Variants in PAN3 observed in about 807,000 individuals in gnomAD.
PAN3 encodes the protein poly(A) specific ribonuclease subunit PAN3, also known as PAN2-PAN3 deadenylation complex subunit PAN3.
Under a neutral mutation model 96.2 loss-of-function variants are expected in PAN3, and 19 were observed. The observed-to-expected ratio is 0.20, with a 90% confidence interval of 0.14 to 0.29. The LOEUF is 0.29. Ranked by LOEUF, PAN3 falls within the 10% of genes least tolerant of loss-of-function variation. PAN3 has a pLI of 1.00. For synonymous variants in PAN3, 433 were observed against 406.6 expected, an observed-to-expected ratio of 1.06 and a Z score of -0.78; for missense variants, 882 against 1,108.1, an observed-to-expected ratio of 0.80 and a Z score of 2.90.
At chr13:28,154,969 C>A (rs1183467636) in intron 1 of PAN3, among the ~76,000 whole-genome samples, 2 of 151,744 alleles carry the variant, frequency 1.3e-5, no homozygotes, top group East Asian at 3.9e-4. Context: ...TACAGTCGCC[C>A]ACCACCATGC....
intron 6 of PAN3, among the ~76,000 whole-genome samples, chr13:28,243,101 C>G (rs1458434488): frequency 6.6e-6 from 1 of 151,988 alleles, no homozygotes; most frequent in Non-Finnish European, 1.5e-5. Context: ...TTATTTCTTC[C>G]CTTCCAGTTT....
chr13:28,138,299 C>T (rs1869038182), upstream of PAN3: 1 of 158,704 alleles, frequency 6.3e-6, no homozygotes, highest in African/African-American at 2.4e-5. Flanking sequence ...TAAACCGGCC[C>T]CTCCGCCTTC....
At chr13:28,288,828 A>ATT (rs756889416) in intron 18 of PAN3, among the ~76,000 whole-genome samples, 1,420 of 123,720 alleles carry the variant, frequency 0.011, 56 homozygotes, top group African/African-American at 0.036. Flanking sequence ...TTAACTATAG[A>ATT]TTTTTTTTTT....
chr13:28,242,187 C>A (rs1400914737), intron 6 of PAN3, among the ~76,000 whole-genome samples: 1 of 152,138 alleles, frequency 6.6e-6, no homozygotes, highest in Non-Finnish European at 1.5e-5. Context: ...ATAGTATTGA[C>A]TGACATATGT....
At chr13:28,154,982 G>A (rs1413307172) in intron 1 of PAN3, among the ~76,000 whole-genome samples, 16 of 150,814 alleles carry the variant, frequency 1.1e-4, no homozygotes, top group African/African-American at 2.9e-4. Flanking sequence ...CACCATGCCC[G>A]GCTAATTTTT....
intron 16 of PAN3, 134 bp from the exon 17 acceptor site, chr13:28,281,181 A>T (rs1300610455): frequency 1.5e-6 from 1 of 683,042 alleles, no homozygotes; most frequent in Non-Finnish European, 2.5e-6. Flanking sequence ...TAAAAGTATA[A>T]CCAAAAGGTG....
chr13:28,152,628 T>C lies in PAN3; in HGVS notation c.430+13541T>C, dbSNP rs112810076. Among the ~76,000 whole-genome samples the C allele has an allele frequency of 2.0e-3, 303 of 152,232 alleles. 1 individual carries two copies. Among genetic ancestry groups the C allele is most frequent in the African/African-American group, 7.1e-3 (293 of 41,544 alleles). ...AAAAAAATGTGTATCTTATTACAGT[T>C]GAGTCCTTTTGTGAGACGAACATTC... On this transcript the variant is annotated intron_variant, in intron 1 of 18. Transcript: ENST00000380958.
intron 4 of PAN3, among the ~76,000 whole-genome samples, chr13:28,181,843 A>T (rs1215019336): frequency 6.6e-6 from 1 of 152,206 alleles, no homozygotes; most frequent in Non-Finnish European, 1.5e-5. Flanking sequence ...TTTTTTAAAA[A>T]GTGATCTTTT....
intron 5 of PAN3, among the ~76,000 whole-genome samples, chr13:28,217,030 C>T (rs1325695040): frequency 6.6e-6 from 1 of 151,714 alleles, no homozygotes; most frequent in Non-Finnish European, 1.5e-5. Flanking sequence ...AGGAGAATCA[C>T]TTGAACCCGG....
chr13:28,199,432 G>A (rs1196226567), intron 5 of PAN3, among the ~76,000 whole-genome samples: 2 of 152,074 alleles, frequency 1.3e-5, no homozygotes, highest in Non-Finnish European at 2.9e-5. Flanking sequence ...TTGAATTGGT[G>A]TTATCTGAAT....
At chr13:28,172,883 C>T (rs1184124175) in intron 1 of PAN3, among the ~76,000 whole-genome samples, 1 of 152,068 alleles carries the variant, frequency 6.6e-6, no homozygotes, top group Non-Finnish European at 1.5e-5. Context: ...ATAACAAAAT[C>T]GTCTCTACAA....
intron 4 of PAN3, among the ~76,000 whole-genome samples, chr13:28,183,286 A>G (rs1245822483): frequency 6.6e-6 from 1 of 152,220 alleles, no homozygotes; most frequent in African/African-American, 2.4e-5. Context: ...CAAAGAAATA[A>G]TGTTTTACTT....
Position 28,293,384 on chromosome 13 carries a change from CTGG to C in PAN3, c.*864_*866del, listed in dbSNP as rs1869985790. ...ATTACTTTAGGTTCTTTCCAGTTTG[CTGG>C]TTTTTTTTTTTTTTTTTTTTTTTTT... On this transcript the variant is annotated 3_prime_UTR_variant, in exon 19 of 19. Coordinates refer to ENST00000380958, the MANE Select transcript of PAN3 (RefSeq NM_175854.8). 1 of 40,450 alleles carries C rather than the reference CTGG, an allele frequency of 2.5e-5. No homozygotes were observed. Among genetic ancestry groups the C allele is most frequent in the Non-Finnish European group, 4.5e-5 (1 of 22,212 alleles). The allele number at this position is 40,450 out of a possible 1,614,324, so 2.5% of individuals were successfully genotyped here. A position where few individuals can be genotyped will look rare whatever the true frequency, so the allele number is the denominator to read the frequency against.
Position 28,197,251 on chromosome 13 carries a change from G to C in PAN3, c.757G>C (p.Ala253Pro), listed in dbSNP as rs747972690. ...LVPMGSKARK[A>P]KNPIGCLADR... is the part of the protein sequence containing the mutation. ...TCCGATGGGATCAAAGGCACGAAAA[G>C]CAAAGAACCCTATTGGCTGCCTTGC... is the stretch of plus-strand genomic sequence containing the variant. Residue 253 changes from alanine (A) to proline (P), a missense_variant, in exon 5 of 19, where the codon GCA (alanine) becomes CCA (proline). Physicochemically the swap from Ala to Pro is conservative, Grantham distance 27. This residue lies in a region of PAN3 where 442 missense variants were observed against 422.8 expected (regional missense o/e 1.05). Coordinates refer to ENST00000380958, the MANE Select transcript of PAN3 (RefSeq NM_175854.8). 1.5e-5 allele frequency: 24 copies of C among 1,613,328 alleles called. No homozygotes were observed. Among genetic ancestry groups the C allele is most frequent in the Non-Finnish European group, 2.0e-5 (24 of 1,179,700 alleles).
chr13:28,141,003 C>CTT lies in PAN3; in HGVS notation c.430+1934_430+1935dup, dbSNP rs979248659. Among the ~76,000 whole-genome samples, 662 of 112,890 alleles carry CTT rather than the reference C, an allele frequency of 5.9e-3. 8 individuals are homozygous for CTT. The highest frequency in any genetic ancestry group is 9.6e-3 in the Non-Finnish European group (540 of 56,342). The allele number at this position is 112,890 out of a possible 152,430, so 74.1% of individuals were successfully genotyped here. A position where few individuals can be genotyped will look rare whatever the true frequency, so the allele number is the denominator to read the frequency against. On this transcript the variant is annotated intron_variant, in intron 1 of 18. Coordinates refer to ENST00000380958, the MANE Select transcript of PAN3 (RefSeq NM_175854.8). ...GTTTTCTTACTGACAGAAAGAGACA[C>CTT]TTTTTTTTTTTTTTTTTTTGAGACG...
intron 5 of PAN3, among the ~76,000 whole-genome samples, chr13:28,218,584 G>A (rs1445759197): frequency 8.5e-5 from 13 of 152,048 alleles, no homozygotes; most frequent in Admixed American, 3.3e-4. Flanking sequence ...ACTTCCACTC[G>A]TACATATTTG....
At chr13:28,277,169 A>T (rs1184774983) in intron 14 of PAN3, 68 bp from the exon 15 acceptor site, 14 of 1,421,028 alleles carry the variant, frequency 9.9e-6, no homozygotes, top group African/African-American at 7.3e-5. Flanking sequence ...TTTAGGCAGT[A>T]GTGTCAGTGT....
chr13:28,197,246 G>A lies in PAN3; in HGVS notation c.752G>A (p.Arg251Gln), dbSNP rs780798629. 3.1e-5 allele frequency: 50 copies of A among 1,613,238 alleles called. No homozygotes were observed. Among genetic ancestry groups the A allele is most frequent in the East Asian group, 1.3e-4 (6 of 44,842 alleles). Residue 251 changes from arginine (R) to glutamine (Q), a missense_variant, in exon 5 of 19, where the codon CGA becomes CAA. This residue lies in a region of PAN3 where 442 missense variants were observed against 422.8 expected (regional missense o/e 1.05). Transcript: ENST00000380958. ...CTAGTTCCGATGGGATCAAAGGCAC[G>A]AAAAGCAAAGAACCCTATTGGCTGC... ...ERLVPMGSKA[R>Q]KAKNPIGCLA...
Position 28,281,256 on chromosome 13 carries a change from G to T in PAN3, c.2320-59G>T, listed in dbSNP as rs755149729. ...AGGTTACCAGTTTTTGTAAATTTTG[G>T]CTTTTATGTTCAGTTATCTGGAACA... On this transcript the variant is annotated intron_variant, in intron 16 of 18. Transcript: ENST00000380958. 16 of 1,375,470 alleles carry T rather than the reference G, an allele frequency of 1.2e-5. No homozygotes were observed. In the East Asian group the frequency reaches 3.0e-4, roughly 26 times the overall value. The allele number at this position is 1,375,470 out of a possible 1,614,324, so 85.2% of individuals were successfully genotyped here.
Sources: gnomAD v4.1 joint callset for allele counts (sites outside exome capture counted in the v4.1 genomes callset) on GRCh38, gnomAD v4.1.1 for gene constraint, gnomAD v4.1.1 regional missense constraint, MANE v1.5 for transcripts, NCBI Gene and HGNC (gene_info 2026-07-23, HGNC 2026-07-21) for gene names.